The following FYN variants were observed in gnomAD, a reference collection of about 807,000 sequenced individuals.
FYN encodes the protein tyrosine-protein kinase Fyn.
In FYN, 10 loss-of-function variants were observed where a neutral mutation model predicts 70.2. The observed-to-expected ratio is 0.14, with a 90% CI of 0.09 to 0.24. FYN has a LOEUF of 0.24. Ranked by LOEUF, FYN falls within the 10% of genes least tolerant of loss-of-function variation. The pLI is 1.00. For synonymous variants in FYN, 236 were observed against 248.6 expected (o/e 0.95, Z 0.48); for missense variants, 319 against 673.1 (o/e 0.47, Z 5.82).
At chr6:111,670,976 T>C (rs1310119496) in intron 13 of FYN, among the ~76,000 whole-genome samples, 1 of 152,232 alleles carries the variant, frequency 6.6e-6, no homozygotes, top group Non-Finnish European at 1.5e-5. Context: ...TAAAGAAAGC[T>C]TCTGAACTCT....
At chr6:111,843,071 C>T (rs1157743780) in intron 2 of FYN, among the ~76,000 whole-genome samples, 4 of 152,256 alleles carry the variant, frequency 2.6e-5, no homozygotes, top group Admixed American at 6.5e-5. Flanking sequence ...GTGGCCTGAA[C>T]GCAGCTGTCT....
intron 3 of FYN, among the ~76,000 whole-genome samples, chr6:111,753,858 C>T (rs9374285): frequency 0.45 from 68,486 of 151,882 alleles, 15,659 homozygotes; most frequent in East Asian, 0.62. Flanking sequence ...CTGAGAAACA[C>T]AGGTGCTTTT....
intron 2 of FYN, among the ~76,000 whole-genome samples, chr6:111,811,434 G>A (rs1562529973): frequency 1.3e-5 from 2 of 152,196 alleles, no homozygotes; most frequent in Admixed American, 6.5e-5. Flanking sequence ...GGGTCAAATG[G>A]CTTCTGTGTT....
intron 3 of FYN, among the ~76,000 whole-genome samples, chr6:111,743,118 C>T (rs936142608): frequency 1.3e-5 from 2 of 152,100 alleles, no homozygotes; most frequent in African/African-American, 4.8e-5. Context: ...AGGTGCGCGC[C>T]ACCATGCCTG....
At chr6:111,862,765 T>C (rs1042702858) in intron 1 of FYN, among the ~76,000 whole-genome samples, 4 of 152,174 alleles carry the variant, frequency 2.6e-5, no homozygotes, top group Non-Finnish European at 5.9e-5. Context: ...GCATCACTTA[T>C]TAGGAGGCAA....
In FYN at chr6:111,704,111, T is replaced by G; in HGVS notation, c.444-9A>C. Reference sequence around the variant, plus strand: ...GTTTTCCAAAGTACCACCTTTAAATTAGATCAAGGAAAGAAAATATTTTGA... The same window carrying G: ...GTTTTCCAAAGTACCACCTTTAAATGAGATCAAGGAAAGAAAATATTTTGA... On this transcript the variant is annotated splice_polypyrimidine_tract_variant and intron_variant, in intron 6 of 13. Coordinates refer to ENST00000354650, the MANE Select transcript of FYN (RefSeq NM_002037.5). 1.2e-6 allele frequency: 2 copies of G among 1,607,688 alleles called. No homozygotes were observed. The highest frequency in any genetic ancestry group is 1.7e-6 in the Non-Finnish European group (2 of 1,174,640).
intron 2 of FYN, among the ~76,000 whole-genome samples, chr6:111,840,560 T>C (rs1254730781): frequency 2.0e-5 from 3 of 152,216 alleles, no homozygotes; most frequent in Admixed American, 6.5e-5. Flanking sequence ...TTTTTAGCCA[T>C]CAAGTTTGTG....
chr6:111,699,970 AATT>A, intron 9 of FYN, 131 bp downstream of exon 9: 1 of 672,858 alleles, frequency 1.5e-6, no homozygotes, highest in Non-Finnish European at 2.3e-6. Flanking sequence ...CCAAAACTGA[AATT>A]ATTATTCCCC....
At chr6:111,757,217 T>C (rs952783101) in intron 3 of FYN, among the ~76,000 whole-genome samples, 1 of 152,210 alleles carries the variant, frequency 6.6e-6, no homozygotes, top group African/African-American at 2.4e-5. Context: ...GACAAAGTTA[T>C]TTTAAAAAAT....
intron 12 of FYN, among the ~76,000 whole-genome samples, chr6:111,679,850 C>T (rs1185697896): frequency 1.3e-5 from 2 of 152,042 alleles, no homozygotes; most frequent in Non-Finnish European, 2.9e-5. Flanking sequence ...ACTTTGTTCT[C>T]TGAGGACAAG....
intron 12 of FYN, among the ~76,000 whole-genome samples, chr6:111,683,151 G>A (rs1027909059): frequency 4.6e-5 from 7 of 152,196 alleles, no homozygotes; most frequent in African/African-American, 1.7e-4. Context: ...AGGCAGCCAG[G>A]GAGACAGACT....
chr6:111,693,349 T>C (rs1799429335), intron 12 of FYN, among the ~76,000 whole-genome samples: 1 of 152,170 alleles, frequency 6.6e-6, no homozygotes, highest in Admixed American at 6.5e-5. Context: ...TTGGGATGAC[T>C]AGGCTTTGGT....
chr6:111,661,712 C>A lies in FYN; in HGVS notation c.*27G>T. The stretch of plus-strand genomic sequence containing the variant: ...GGGAGGGGTGGGGCAGCCTCTGGGA[C>A]AAGGCCTCTCTCCGCAGACCCGGGC... On this transcript the variant is annotated 3_prime_UTR_variant, in exon 14 of 14. Coordinates refer to ENST00000354650, the MANE Select transcript of FYN (RefSeq NM_002037.5). The surrounding 1 kb of genome is among the most constrained non-coding windows in gnomAD (Gnocchi z 4.0). The A allele has an allele frequency of 6.2e-7, 1 of 1,600,090 alleles. No homozygotes were observed.
At chr6:111,681,410 C>T (rs1156657196) in intron 12 of FYN, among the ~76,000 whole-genome samples, 2 of 152,158 alleles carry the variant, frequency 1.3e-5, no homozygotes, top group Admixed American at 6.5e-5. Flanking sequence ...GTCCTCCTGC[C>T]TTGGTCTCCC....
intron 13 of FYN, among the ~76,000 whole-genome samples, chr6:111,667,620 C>T (rs963486454): frequency 3.9e-5 from 6 of 152,186 alleles, no homozygotes; most frequent in Non-Finnish European, 7.3e-5. Flanking sequence ...AAATAGATGT[C>T]ACTTCTTGAC....
intron 2 of FYN, among the ~76,000 whole-genome samples, chr6:111,806,834 T>C (rs1772165281): frequency 6.6e-6 from 1 of 152,106 alleles, no homozygotes; most frequent in African/African-American, 2.4e-5. Flanking sequence ...TTTTAGATGG[T>C]AGGAGTGGGA....
intron 3 of FYN, chr6:111,759,222 T>C (rs1802893343): frequency 6.6e-6 from 1 of 152,204 alleles, no homozygotes; most frequent in Non-Finnish European, 1.5e-5. Flanking sequence ...ATTCTTCCCA[T>C]TGCCTTCTTC....
At chr6:111,845,270 C>A (rs920879339) in intron 2 of FYN, among the ~76,000 whole-genome samples, 3 of 152,246 alleles carry the variant, frequency 2.0e-5, no homozygotes, top group African/African-American at 7.2e-5. Context: ...GTGGACCTGG[C>A]CTAGTCCAGA....
In FYN at chr6:111,674,782, G is replaced by A. The variant is rs962026371; in HGVS notation, c.1274-152C>T. The stretch of plus-strand genomic sequence containing the variant: ...GTGAAGCAGGAATGGGCTGGGATTG[G>A]GAAGATGTAGGGTCTGGTCTTGACT... On this transcript the variant is annotated intron_variant, in intron 12 of 13. Coordinates refer to ENST00000354650, the MANE Select transcript of FYN (RefSeq NM_002037.5). The A allele has an allele frequency of 5.9e-5, 46 of 779,734 alleles. 1 individual carries two copies. In the South Asian group the frequency reaches 8.6e-4, roughly 15 times the overall value. The allele number at this position is 779,734 out of a possible 1,614,324, so 48.3% of individuals were successfully genotyped here.
Sources: gnomAD v4.1 joint callset for allele counts (sites outside exome capture counted in the v4.1 genomes callset) on GRCh38, gnomAD v4.1.1 for gene constraint, Gnocchi (gnomAD v3.1) non-coding constraint, MANE v1.5 for transcripts, NCBI Gene and HGNC (gene_info 2026-07-23, HGNC 2026-07-21) for gene names.